Variants in ATG5 observed in about 807,000 individuals in gnomAD.
ATG5 encodes autophagy protein 5.
A neutral mutation model predicts 36.5 loss-of-function variants in ATG5; 14 were observed. That is an observed-to-expected ratio of 0.38 (90% CI 0.25 to 0.60). The LOEUF is 0.60. Ranked by LOEUF, ATG5 falls within the 20% of genes least tolerant of loss-of-function variation. ATG5 has a pLI of 0.60. For synonymous variants in ATG5, 95 were observed against 101.5 expected, an observed-to-expected ratio of 0.94 and a Z score of 0.38; for missense variants, 195 against 326.7, an observed-to-expected ratio of 0.60 and a Z score of 3.11.
chr6:106,190,048 A>G (rs1775913349), intron 7 of ATG5, among the ~76,000 whole-genome samples: 1 of 152,202 alleles, frequency 6.6e-6, no homozygotes, highest in African/African-American at 2.4e-5. Flanking sequence ...AATAAAAAAT[A>G]CTGATATACC....
chr6:106,231,836 G>C (rs2114465879), intron 6 of ATG5, among the ~76,000 whole-genome samples: 1 of 152,104 alleles, frequency 6.6e-6, no homozygotes, highest in South Asian at 2.1e-4. Flanking sequence ...GGGACAAATG[G>C]GATAAAAAAA....
At chr6:106,289,717 C>T (rs775159649) in intron 4 of ATG5, among the ~76,000 whole-genome samples, 5 of 152,146 alleles carry the variant, frequency 3.3e-5, no homozygotes, top group East Asian at 1.9e-4. Flanking sequence ...AACCACTATA[C>T]ATTAACACTA....
At chr6:106,304,729 T>C (rs1245856021) in intron 3 of ATG5, among the ~76,000 whole-genome samples, 1 of 152,196 alleles carries the variant, frequency 6.6e-6, no homozygotes, top group African/African-American at 2.4e-5. Context: ...AATATCTTAT[T>C]ATCTTGATTT....
chr6:106,297,873 C>T (rs1328900701), intron 3 of ATG5, among the ~76,000 whole-genome samples: 1 of 151,626 alleles, frequency 6.6e-6, no homozygotes, highest in African/African-American at 2.4e-5. Context: ...GAGTTCGACA[C>T]TAGCCTGAGC....
At chr6:106,296,031 C>T (rs542786023) in intron 3 of ATG5, among the ~76,000 whole-genome samples, 137 of 152,086 alleles carry the variant, frequency 9.0e-4, no homozygotes, top group African/African-American at 3.1e-3. Flanking sequence ...ACATAATAAA[C>T]AACTGCTGAA....
intron 6 of ATG5, among the ~76,000 whole-genome samples, chr6:106,219,524 T>C (rs923471482): frequency 6.6e-6 from 1 of 152,190 alleles, no homozygotes; most frequent in Non-Finnish European, 1.5e-5. Flanking sequence ...AACTACAGTA[T>C]AACAACTATT....
rs1020792683 is a variant in ATG5 at position 106,191,973 on chromosome 6, T to C, written c.692-5297A>G. Among the ~76,000 whole-genome samples the C allele has an allele frequency of 2.0e-5, 3 of 152,306 alleles. No homozygotes were observed. The East Asian group carries it at 5.8e-4, about 29-fold the overall frequency. On this transcript the variant is annotated intron_variant, in intron 7 of 7. Transcript: ENST00000369076. ...CCTCATGGTAATACCTCCTGAATTA[T>C]TCAGTTCCATTTTTATGCAGTATGG...
chr6:106,300,918 GTTAT>G (rs934282603), intron 3 of ATG5, among the ~76,000 whole-genome samples: 73 of 151,584 alleles, frequency 4.8e-4, no homozygotes, highest in African/African-American at 1.6e-3. Context: ...TCCCATTAAA[GTTAT>G]TTATTTTACA....
rs1770506444 is a variant in ATG5, at chr6:106,307,816, G to GT, written c.236+547dup. Among the ~76,000 whole-genome samples, 5 of 152,212 alleles carry GT rather than the reference G, an allele frequency of 3.3e-5. No homozygotes were observed. In the South Asian group the frequency reaches 1.0e-3, roughly 32 times the overall value. ...CTCCCAAAGTGCTGGGATTCGTGTA[G>GT]TATCTGTTCTTATCAGTTCAATACC... On this transcript the variant is annotated intron_variant, in intron 3 of 7. Coordinates refer to ENST00000369076, the MANE Select transcript of ATG5 (RefSeq NM_004849.4).
chr6:106,293,153 T>C (rs1048887373), intron 3 of ATG5, 47 bp from the exon 4 acceptor site: 2 of 1,508,200 alleles, frequency 1.3e-6, no homozygotes, highest in East Asian at 4.5e-5. Flanking sequence ...TTTAAAGTTA[T>C]AACTACAAGG....
chr6:106,196,353 G>A (rs1776188419), intron 7 of ATG5, among the ~76,000 whole-genome samples: 1 of 152,194 alleles, frequency 6.6e-6, no homozygotes, highest in South Asian at 2.1e-4. Flanking sequence ...AAAACAAATG[G>A]CAGCATAGTA....
At chr6:106,309,139 T>C (rs1770555207) in intron 2 of ATG5, among the ~76,000 whole-genome samples, 1 of 152,196 alleles carries the variant, frequency 6.6e-6, no homozygotes, top group Non-Finnish European at 1.5e-5. Flanking sequence ...TTTCCTCCTT[T>C]GCAGTAGACA....
intron 6 of ATG5, among the ~76,000 whole-genome samples, chr6:106,226,886 C>T (rs1777471635): frequency 6.6e-6 from 1 of 151,666 alleles, no homozygotes; most frequent in Non-Finnish European, 1.5e-5. Context: ...AATGAATCAG[C>T]AAATCTAAAG....
intron 6 of ATG5, 64 bp from the exon 7 acceptor site, chr6:106,202,153 A>T: frequency 2.3e-6 from 3 of 1,283,788 alleles, no homozygotes; most frequent in Non-Finnish European, 3.4e-6. Flanking sequence ...TTACAAATTT[A>T]TATATCATAA....
intron 2 of ATG5, among the ~76,000 whole-genome samples, chr6:106,314,915 A>G (rs1770784084): frequency 1.3e-5 from 2 of 152,228 alleles, no homozygotes; most frequent in Admixed American, 1.3e-4. Flanking sequence ...GAGTACCAGT[A>G]ACAAGATTGC....
At chr6:106,247,514 AGTTCT>A (rs1316808851) in intron 6 of ATG5, among the ~76,000 whole-genome samples, 4 of 152,324 alleles carry the variant, frequency 2.6e-5, no homozygotes, top group Non-Finnish European at 5.9e-5. Context: ...GATTTGCAGT[AGTTCT>A]GTTCTATAAG....
In ATG5 at chr6:106,207,882, G is replaced by A. The variant is rs149037343; in HGVS notation, c.574-5793C>T. On this transcript the variant is annotated intron_variant, in intron 6 of 7. Transcript: ENST00000369076. ...GCCGAGGAGGGAGGATCACGAGGTC[G>A]GGAGTCCGAGACCAGCCTGGCCAAT... Among the ~76,000 whole-genome samples the A allele has an allele frequency of 2.7e-3, 409 of 152,142 alleles. 1 individual carries two copies. Among genetic ancestry groups the A allele is most frequent in the African/African-American group, 9.3e-3 (386 of 41,500 alleles).
At chr6:106,311,035 T>G (rs1383982350) in intron 2 of ATG5, among the ~76,000 whole-genome samples, 1 of 152,240 alleles carries the variant, frequency 6.6e-6, no homozygotes, top group East Asian at 1.9e-4. Context: ...TTATATGGAA[T>G]ACTTATGTTT....
intron 2 of ATG5, among the ~76,000 whole-genome samples, chr6:106,314,791 A>T (rs987355781): frequency 2.0e-5 from 3 of 152,178 alleles, no homozygotes; most frequent in Non-Finnish European, 4.4e-5. Flanking sequence ...TAACAAATGA[A>T]ATTCTTCTAA....
Sources: allele counts gnomAD v4.1 joint callset (sites outside exome capture counted in the v4.1 genomes callset), GRCh38; gene constraint gnomAD v4.1.1; transcripts MANE v1.5; gene names NCBI Gene and HGNC (gene_info 2026-07-23, HGNC 2026-07-21).